The following VDR variants were observed in gnomAD, a reference collection of about 807,000 sequenced individuals.
The protein encoded by VDR is vitamin D3 receptor.
In VDR, 19 loss-of-function variants were observed where a neutral mutation model predicts 39.7. That is an observed-to-expected ratio of 0.48 (90% CI 0.33 to 0.70). VDR has a LOEUF of 0.70. Ranked by LOEUF, VDR falls within the 30% of genes least tolerant of loss-of-function variation. The probability of loss-of-function intolerance (pLI) is 0.02; values close to 1 mark genes in which losing one functional copy is unlikely to be tolerated. For synonymous variants in VDR, 242 were observed against 215.8 expected (o/e 1.12, Z -1.07); for missense variants, 442 against 570.5 (o/e 0.77, Z 2.29).
At chr12:47,901,639 T>C (rs1592160343) in intron 1 of VDR, 1 of 153,500 alleles carries the variant, frequency 6.5e-6, no homozygotes, top group East Asian at 1.9e-4. Context: ...CTTACCTGCT[T>C]TACAGCCAGA....
chr12:47,894,640 G>C (rs1015338642), intron 1 of VDR, among the ~76,000 whole-genome samples: 2 of 152,212 alleles, frequency 1.3e-5, no homozygotes, highest in East Asian at 1.9e-4. Context: ...CAGTAGCCCA[G>C]GATTGAAGTT....
At chr12:47,901,999 G>A (rs985227029) in intron 1 of VDR, among the ~76,000 whole-genome samples, 34 of 152,278 alleles carry the variant, frequency 2.2e-4, no homozygotes, top group African/African-American at 7.5e-4. Context: ...CTAGGGTGTC[G>A]GGGGCTGTCC....
chr12:47,886,002 C>T (rs946015389), intron 1 of VDR, among the ~76,000 whole-genome samples: 3 of 152,202 alleles, frequency 2.0e-5, no homozygotes, highest in Admixed American at 6.5e-5. Context: ...CCCTAATCGA[C>T]CCCAGGAGAG....
chr12:47,885,744 T>C (rs1946241024), intron 1 of VDR, among the ~76,000 whole-genome samples: 1 of 152,232 alleles, frequency 6.6e-6, no homozygotes, highest in South Asian at 2.1e-4. Flanking sequence ...TTACCCAGGC[T>C]AGAGTGCAGT....
At chr12:47,863,876 C>G (rs1169594053) in intron 4 of VDR, among the ~76,000 whole-genome samples, 1 of 152,200 alleles carries the variant, frequency 6.6e-6, no homozygotes, top group Non-Finnish European at 1.5e-5. Context: ...GTCCCAACAA[C>G]AGATAATTTT....
intron 1 of VDR, among the ~76,000 whole-genome samples, chr12:47,894,185 G>A (rs1228260259): frequency 6.6e-6 from 1 of 152,210 alleles, no homozygotes; most frequent in East Asian, 1.9e-4. Flanking sequence ...GACAGAGGAG[G>A]AGCTAAACTC....
At chr12:47,897,517 G>A (rs1946483873) in intron 1 of VDR, among the ~76,000 whole-genome samples, 2 of 152,212 alleles carry the variant, frequency 1.3e-5, no homozygotes, top group African/African-American at 4.8e-5. Flanking sequence ...TGAGAGCTGA[G>A]GTGGCCCATG....
rs748467437 is a variant in VDR, at chr12:47,865,076, C to T, written c.248G>A (p.Arg83His). ...RRHCQACRLK[R>H]CVDIGMMKEF... is the part of the protein sequence containing the mutation. ...CTTCATCATGCCGATGTCCACACAG[C>T]GTTTGAGCCGGCAGGCCTGGCAGTG... The change falls in exon 4 of 10, where the codon CGC becomes CAC. Residue 83 changes from arginine (R) to histidine (H), a missense_variant. Transcript: ENST00000549336. 1.4e-5 allele frequency: 22 copies of T among 1,613,706 alleles called. No individual in the cohort carries two copies. Among genetic ancestry groups the T allele is most frequent in the Admixed American group, 5.0e-5 (3 of 60,000 alleles).
In VDR at chr12:47,857,267, G is replaced by A; in HGVS notation, c.463-18C>T. Reference sequence around the variant, plus strand: ...ACTGGAGGCTGGAAGGGAAAGATGGGGTCTCAGACCCACATTTTGGGGTTG... The same window carrying A: ...ACTGGAGGCTGGAAGGGAAAGATGGAGTCTCAGACCCACATTTTGGGGTTG... On this transcript the variant is annotated intron_variant, in intron 5 of 9. Coordinates refer to ENST00000549336, the MANE Select transcript of VDR (RefSeq NM_000376.3). 1 of 1,614,078 alleles carries A rather than the reference G, an allele frequency of 6.2e-7. No individual in the cohort carries two copies. Among genetic ancestry groups the A allele is most frequent in the Non-Finnish European group, 8.5e-7 (1 of 1,180,020 alleles).
intron 6 of VDR, among the ~76,000 whole-genome samples, chr12:47,856,035 T>A (rs142212780): frequency 4.5e-4 from 69 of 152,306 alleles, no homozygotes; most frequent in African/African-American, 1.6e-3. Flanking sequence ...CAATGAGACT[T>A]CCTCAAGCAG....
chr12:47,869,535 CAAAAAA>C (rs33940574), intron 3 of VDR, among the ~76,000 whole-genome samples: 5 of 68,970 alleles, frequency 7.2e-5, no homozygotes, highest in African/African-American at 2.3e-4. Context: ...GACTCCATCT[CAAAAAA>C]AAAAAAAAAA....
In VDR at chr12:47,863,192, G is replaced by C. The variant is rs11574074; in HGVS notation, c.277+1855C>G. On this transcript the variant is annotated intron_variant, in intron 4 of 9. Transcript: ENST00000549336. ...GATGCAGCGCTGTTTATGGGGACCA[G>C]GAGGCAGGTAGGAGGGGACATGAAG... 3.3e-5 allele frequency among the ~76,000 whole-genome samples: 5 copies of C among 152,230 alleles called. No individual in the cohort carries two copies. In the East Asian group the frequency reaches 9.6e-4, roughly 29 times the overall value.
Position 47,855,663 on chromosome 12 carries a change from A to T in VDR, c.722T>A (p.Val241Asp). Residue 241 changes from valine to aspartate, a missense_variant, in exon 7 of 10, where the codon GTC (valine) becomes GAC (aspartate). By Grantham distance (152) the Val-to-Asp change is radical. Transcript: ENST00000549336. ...TGGTATCATCTTAGCAAAGCCAATGACCTTTTGGATGCTGTAACTGACCAG... is the reference window on the plus strand; with the variant it reads ...TGGTATCATCTTAGCAAAGCCAATGTCCTTTTGGATGCTGTAACTGACCAG... ...ADLVSYSIQK[V>D]IGFAKMIPGF... is the part of the protein sequence containing the mutation. 6.2e-7 allele frequency: 1 copy of T among 1,614,146 alleles called. No homozygotes were observed. The highest frequency in any genetic ancestry group is 1.1e-5 in the South Asian group (1 of 91,076).
At chr12:47,861,653 T>C (rs867377467) in intron 4 of VDR, among the ~76,000 whole-genome samples, 1 of 151,986 alleles carries the variant, frequency 6.6e-6, no homozygotes. Context: ...TCTGAAAGAG[T>C]GTTGGGCTGT....
chr12:47,902,028 T>C (rs976784325), intron 1 of VDR, among the ~76,000 whole-genome samples: 33 of 152,200 alleles, frequency 2.2e-4, no homozygotes, highest in African/African-American at 8.0e-4. Context: ...AAGCTACCCC[T>C]GTTTTCCCTT....
chr12:47,856,396 G>A (rs1394494219), intron 6 of VDR, among the ~76,000 whole-genome samples: 1 of 152,064 alleles, frequency 6.6e-6, no homozygotes, highest in African/African-American at 2.4e-5. Flanking sequence ...GTAAATATTT[G>A]GCTACAAGTA....
chr12:47,876,881 C>T (rs1448248977), intron 3 of VDR, among the ~76,000 whole-genome samples: 1 of 152,226 alleles, frequency 6.6e-6, no homozygotes, highest in African/African-American at 2.4e-5. Context: ...ACCCAACCAG[C>T]TGCCACCTAA....
In VDR at chr12:47,882,628, TC is replaced by T. The variant is rs368748808; in HGVS notation, c.-3+65del. On this transcript the variant is annotated intron_variant, in intron 2 of 9. Coordinates refer to ENST00000549336, the MANE Select transcript of VDR (RefSeq NM_000376.3). ...CCTGCCCACCACCTTCTTATGCCCC[TC>T]CCCCCCACCCCGCCCCTTGAAAACA... 401 of 191,936 alleles carry T rather than the reference TC, an allele frequency of 2.1e-3. 1 individual carries two copies. The African/African-American group carries it at 0.022, about 11-fold the overall frequency. 11.9% of individuals were successfully genotyped at this position (191,936 alleles called of 1,614,324 possible). A position where few individuals can be genotyped will look rare whatever the true frequency, so the allele number is the denominator to read the frequency against.
intron 3 of VDR, among the ~76,000 whole-genome samples, chr12:47,867,353 C>CA (rs568615304): frequency 1.1e-3 from 157 of 143,268 alleles, no homozygotes; most frequent in African/African-American, 3.4e-3. Flanking sequence ...GACTCTGTCT[C>CA]AAAAAAAAAA....
Sources: allele counts gnomAD v4.1 joint callset (sites outside exome capture counted in the v4.1 genomes callset), GRCh38; gene constraint gnomAD v4.1.1; transcripts MANE v1.5; gene names NCBI Gene and HGNC (gene_info 2026-07-23, HGNC 2026-07-21).